Variants in TCAIM observed in about 807,000 individuals in gnomAD.
TCAIM encodes T cell activation inhibitor, mitochondrial, also known as T-cell activation inhibitor, mitochondrial.
A neutral mutation model predicts 58.6 loss-of-function variants in TCAIM; 36 were observed. The observed-to-expected ratio is 0.61, with a 90% CI of 0.47 to 0.81. The LOEUF is 0.81. Among genes scored for constraint, TCAIM ranks in the 30% least tolerant of loss-of-function variants. The probability of loss-of-function intolerance (pLI) is 0.00; values close to 1 mark genes in which losing one functional copy is unlikely to be tolerated. For synonymous variants in TCAIM, 172 were observed against 193.6 expected (o/e 0.89, Z 0.93); for missense variants, 466 against 579.6 (o/e 0.80, Z 2.01).
intron 5 of TCAIM, among the ~76,000 whole-genome samples, chr3:44,368,488 A>G (rs922692299): frequency 5.9e-5 from 9 of 152,250 alleles, no homozygotes; most frequent in African/African-American, 2.2e-4. Context: ...ATAAGGCTGA[A>G]AAGGTAGGAA....
rs1701861152 is a variant in TCAIM, at chr3:44,392,885, T to C, written c.603T>C (p.Ala201=). ...GGTTAGATAACAATGGGAAAAGTGC[T>C]GTTAAAAAGCTAAAGAACAGTTTGC... ...TSWLDNNGKS[A]VKKLKNSLPL... The change falls in exon 6 of 11, where the codon GCT becomes GCC. Residue 201 remains alanine (A), a synonymous_variant. Coordinates refer to ENST00000342649, the MANE Select transcript of TCAIM (RefSeq NM_173826.4). 3 of 1,613,308 alleles carry C rather than the reference T, an allele frequency of 1.9e-6. No homozygotes were observed. Among genetic ancestry groups the C allele is most frequent in the Non-Finnish European group, 2.5e-6 (3 of 1,179,558 alleles).
chr3:44,366,562 T>C (rs1701379877), intron 4 of TCAIM, among the ~76,000 whole-genome samples: 1 of 149,076 alleles, frequency 6.7e-6, no homozygotes, highest in African/African-American at 2.5e-5. Context: ...GCCTCCCGGG[T>C]TCACGCCATT....
At chr3:44,364,572 C>T (rs962722944) in intron 4 of TCAIM, among the ~76,000 whole-genome samples, 2 of 152,046 alleles carry the variant, frequency 1.3e-5, no homozygotes, top group Non-Finnish European at 1.5e-5. Context: ...AAAACCCCGT[C>T]TCTACTAAAA....
intron 5 of TCAIM, among the ~76,000 whole-genome samples, chr3:44,388,887 C>T (rs550436222): frequency 5.3e-5 from 8 of 152,314 alleles, no homozygotes; most frequent in African/African-American, 1.4e-4. Flanking sequence ...GAAGCTCTGG[C>T]TCTTTCTAGT....
chr3:44,344,373 A>G (rs779025717), intron 1 of TCAIM, among the ~76,000 whole-genome samples: 3 of 152,184 alleles, frequency 2.0e-5, no homozygotes, highest in Non-Finnish European at 4.4e-5. Flanking sequence ...ATCCTCCATG[A>G]TTAAAAGTCA....
chr3:44,346,093 G>A (rs1700961989), intron 1 of TCAIM, among the ~76,000 whole-genome samples: 1 of 152,068 alleles, frequency 6.6e-6, no homozygotes, highest in African/African-American at 2.4e-5. Context: ...ATTCTGAGAA[G>A]GGCAAGTGGT....
At chr3:44,341,199 C>T (rs1700848900) in intron 1 of TCAIM, 1 of 152,096 alleles carries the variant, frequency 6.6e-6, no homozygotes, top group African/African-American at 2.4e-5. Context: ...CACATTCCCT[C>T]TCATTTCTCC....
chr3:44,362,636 C>A, intron 4 of TCAIM: 2 of 381,336 alleles, frequency 5.2e-6, no homozygotes, highest in Non-Finnish European at 4.6e-6. Context: ...TAAAAATAGC[C>A]CTATTCTTCA....
intron 4 of TCAIM, among the ~76,000 whole-genome samples, chr3:44,367,038 C>T (rs927849690): frequency 9.2e-5 from 14 of 152,222 alleles, no homozygotes; most frequent in Non-Finnish European, 1.8e-4. Context: ...GCCCCTCTTA[C>T]CTGAACTGCT....
At chr3:44,364,248 A>T (rs1169613251) in intron 4 of TCAIM, among the ~76,000 whole-genome samples, 1 of 152,036 alleles carries the variant, frequency 6.6e-6, no homozygotes, top group Admixed American at 6.6e-5. Context: ...TTAAAAAAAA[A>T]AAAAATGTAA....
chr3:44,403,458 GTTGT>G (rs1237824458), intron 10 of TCAIM, among the ~76,000 whole-genome samples: 1 of 152,180 alleles, frequency 6.6e-6, no homozygotes, highest in Admixed American at 6.5e-5. Context: ...CTCTTGATTG[GTTGT>G]TAAGTATTTG....
intron 1 of TCAIM, among the ~76,000 whole-genome samples, chr3:44,346,279 A>G (rs970947514): frequency 9.2e-5 from 14 of 152,236 alleles, no homozygotes; most frequent in African/African-American, 3.4e-4. Flanking sequence ...AGGCTGGTCC[A>G]TTATCGGACT....
chr3:44,379,347 A>C (rs1701618994), intron 5 of TCAIM, among the ~76,000 whole-genome samples: 1 of 152,206 alleles, frequency 6.6e-6, no homozygotes, highest in Non-Finnish European at 1.5e-5. Flanking sequence ...ACTAACATTC[A>C]ACCCAGTAAT....
intron 1 of TCAIM, among the ~76,000 whole-genome samples, chr3:44,354,487 T>C (rs1701153198): frequency 6.6e-6 from 1 of 152,190 alleles, no homozygotes. Flanking sequence ...ATTGAATCTA[T>C]AGATCAAGTT....
chr3:44,372,438 C>T lies in TCAIM; in HGVS notation c.572+4730C>T, dbSNP rs1166380157. 3.3e-5 allele frequency among the ~76,000 whole-genome samples: 5 copies of T among 152,166 alleles called. No homozygotes were observed. In the East Asian group the frequency reaches 9.6e-4, roughly 29 times the overall value. On this transcript the variant is annotated intron_variant, in intron 5 of 10. Coordinates refer to ENST00000342649, the MANE Select transcript of TCAIM (RefSeq NM_173826.4). Reference sequence around the variant, plus strand: ...TTTATTCATGTATTGTTTAATTCATCTTCATTACATGTATAGATTATAGAG... The same window carrying T: ...TTTATTCATGTATTGTTTAATTCATTTTCATTACATGTATAGATTATAGAG...
At chr3:44,344,946 A>G (rs575268781) in intron 1 of TCAIM, among the ~76,000 whole-genome samples, 1 of 152,234 alleles carries the variant, frequency 6.6e-6, no homozygotes, top group South Asian at 2.1e-4. Flanking sequence ...GGAACCGGCC[A>G]TTTTCACTTC....
chr3:44,348,586 C>T (rs927975743), intron 1 of TCAIM, among the ~76,000 whole-genome samples: 2 of 151,994 alleles, frequency 1.3e-5, no homozygotes, highest in East Asian at 3.9e-4. Flanking sequence ...TCTCTCACAG[C>T]AGAGGCAAGT....
chr3:44,365,226 A>C (rs571047848), intron 4 of TCAIM, among the ~76,000 whole-genome samples: 18 of 152,344 alleles, frequency 1.2e-4, no homozygotes, highest in African/African-American at 3.6e-4. Context: ...AACTAAAAAA[A>C]AGTATTTCTT....
At chr3:44,358,661 C>T in intron 3 of TCAIM, 1 of 745,706 alleles carries the variant, frequency 1.3e-6, no homozygotes, top group Non-Finnish European at 1.6e-6. Flanking sequence ...GAGACTTGAG[C>T]ATTCGCAGAT....
Sources: allele counts gnomAD v4.1 joint callset (sites outside exome capture counted in the v4.1 genomes callset), GRCh38; gene constraint gnomAD v4.1.1; transcripts MANE v1.5; gene names NCBI Gene and HGNC (gene_info 2026-07-23, HGNC 2026-07-21).